Variants in CNTN5 observed in about 807,000 individuals in gnomAD.
CNTN5 encodes contactin 5, also known as contactin-5.
Under a neutral mutation model 129.1 loss-of-function variants are expected in CNTN5, and 77 were observed. That is an observed-to-expected ratio of 0.60 (90% CI 0.50 to 0.72). CNTN5 has a LOEUF of 0.72. Among genes scored for constraint, CNTN5 ranks in the 30% least tolerant of loss-of-function variants. The probability of loss-of-function intolerance (pLI) is 0.00; values close to 1 mark genes in which losing one functional copy is unlikely to be tolerated. For synonymous variants in CNTN5, 509 were observed against 465.6 expected (o/e 1.09, Z -1.20); for missense variants, 1,478 against 1,328.8 (o/e 1.11, Z -1.75).
In CNTN5 at chr11:99,763,311, G is replaced by C. The variant is rs537897683; in HGVS notation, c.56-56233G>C. On this transcript the variant is annotated intron_variant, in intron 3 of 24. Coordinates refer to ENST00000524871, the MANE Select transcript of CNTN5 (RefSeq NM_014361.4). ...TACCATACAGAGATGCAACACCCAAGAGGGGAAAACAGTCAAAACACCAAA... is the reference window on the plus strand; with the variant it reads ...TACCATACAGAGATGCAACACCCAACAGGGGAAAACAGTCAAAACACCAAA... 3.3e-5 allele frequency among the ~76,000 whole-genome samples: 5 copies of C among 152,146 alleles called. 1 individual carries two copies. The South Asian group carries it at 1.0e-3, about 32-fold the overall frequency.
intron 1 of CNTN5, among the ~76,000 whole-genome samples, chr11:99,071,936 A>C (rs1865355612): frequency 7.1e-6 from 1 of 140,046 alleles, no homozygotes; most frequent in Non-Finnish European, 1.5e-5. Context: ...TAAGCTATTC[A>C]CTGGTGAATA....
At chr11:99,989,434 GTCATAAAAA>G (rs1565759921) in intron 8 of CNTN5, among the ~76,000 whole-genome samples, 2 of 151,756 alleles carry the variant, frequency 1.3e-5, no homozygotes, top group Non-Finnish European at 2.9e-5. Flanking sequence ...TTGGTGGCAG[GTCATAAAAA>G]TCAAAGTACC....
intron 1 of CNTN5, among the ~76,000 whole-genome samples, chr11:99,077,999 A>G (rs975464483): frequency 6.6e-6 from 1 of 152,184 alleles, no homozygotes; most frequent in African/African-American, 2.4e-5. Flanking sequence ...TTTCTCTTCA[A>G]TAAGCCTTAA....
intron 23 of CNTN5, among the ~76,000 whole-genome samples, chr11:100,341,884 T>C (rs928513493): frequency 6.6e-6 from 1 of 151,794 alleles, no homozygotes; most frequent in African/African-American, 2.4e-5. Flanking sequence ...CACAGAATCA[T>C]TAGTTGAATA....
intron 2 of CNTN5, among the ~76,000 whole-genome samples, chr11:99,452,315 G>A (rs1944332240): frequency 6.7e-6 from 1 of 150,030 alleles, no homozygotes; most frequent in Admixed American, 6.7e-5. Flanking sequence ...TTAGTTCTAT[G>A]ACAGTCTGAA....
intron 21 of CNTN5, among the ~76,000 whole-genome samples, chr11:100,333,303 T>C (rs897132398): frequency 2.0e-5 from 3 of 149,728 alleles, no homozygotes; most frequent in Non-Finnish European, 2.9e-5. Context: ...ATCATGCTCA[T>C]GGATGGGTAG....
rs925942578 is a variant in CNTN5, at chr11:99,844,738, TTGA to T, written c.278-112_278-110del. On this transcript the variant is annotated intron_variant, in intron 4 of 24. Coordinates refer to ENST00000524871, the MANE Select transcript of CNTN5 (RefSeq NM_014361.4). ...ATTCCTTCTTTTGGGAATTTACCTG[TTGA>T]TTACAAGAAAAGAGCAAGAATTTTG... is the stretch of plus-strand genomic sequence containing the variant. 5 of 956,154 alleles carry T rather than the reference TTGA, an allele frequency of 5.2e-6. No homozygotes were observed. In the African/African-American group the frequency reaches 8.2e-5, roughly 16 times the overall value. 59.2% of individuals were successfully genotyped at this position (956,154 alleles called of 1,614,324 possible). A position where few individuals can be genotyped will look rare whatever the true frequency, so the allele number is the denominator to read the frequency against.
intron 2 of CNTN5, among the ~76,000 whole-genome samples, chr11:99,359,631 A>G (rs534604966): frequency 1.4e-5 from 2 of 147,816 alleles, no homozygotes; most frequent in South Asian, 2.1e-4. Flanking sequence ...TTATTTATAT[A>G]AATATATTTA....
chr11:99,332,604 C>T (rs1000813978), intron 2 of CNTN5, among the ~76,000 whole-genome samples: 3 of 151,968 alleles, frequency 2.0e-5, no homozygotes. Flanking sequence ...TTCTCTTACT[C>T]TATTATGGTG....
intron 7 of CNTN5, among the ~76,000 whole-genome samples, chr11:99,925,150 T>C (rs189201899): frequency 4.6e-5 from 7 of 152,136 alleles, no homozygotes; most frequent in African/African-American, 1.7e-4. Flanking sequence ...CAGTTATAGG[T>C]GGAATTGTGG....
chr11:99,577,366 A>T (rs550320396), intron 3 of CNTN5, among the ~76,000 whole-genome samples: 110 of 152,270 alleles, frequency 7.2e-4, no homozygotes, highest in Admixed American at 3.5e-3. Flanking sequence ...GGCTCTTCAC[A>T]TTTAGGAAAA....
intron 3 of CNTN5, among the ~76,000 whole-genome samples, chr11:99,563,452 A>T (rs573819167): frequency 1.2e-4 from 18 of 152,298 alleles, no homozygotes; most frequent in Non-Finnish European, 2.2e-4. Context: ...GGCTGGAGAA[A>T]CTGTTTATGG....
At chr11:100,229,082 T>C (rs933451799) in intron 16 of CNTN5, among the ~76,000 whole-genome samples, 4 of 152,120 alleles carry the variant, frequency 2.6e-5, no homozygotes, top group African/African-American at 9.7e-5. Flanking sequence ...TATATATTCA[T>C]CTACAGAAAT....
At chr11:99,893,292 G>A (rs542765112) in intron 6 of CNTN5, among the ~76,000 whole-genome samples, 2 of 152,180 alleles carry the variant, frequency 1.3e-5, no homozygotes, top group South Asian at 2.1e-4. Flanking sequence ...AAAAGCACAT[G>A]TTCTTATTTG....
chr11:99,207,765 T>C lies in CNTN5; in HGVS notation c.-209-117581T>C, dbSNP rs76497996. Among the ~76,000 whole-genome samples the C allele has an allele frequency of 4.2e-3, 646 of 152,286 alleles. 6 individuals are homozygous for C. Among genetic ancestry groups the C allele is most frequent in the African/African-American group, 0.013 (547 of 41,584 alleles). On this transcript the variant is annotated intron_variant, in intron 1 of 24. Transcript: ENST00000524871. Reference sequence around the variant, plus strand: ...ATTAGATTTACACTATTTCTCTAACTTTAAAAAGTAGTCTGCATTTCAAGT... The same window carrying C: ...ATTAGATTTACACTATTTCTCTAACCTTAAAAAGTAGTCTGCATTTCAAGT...
intron 2 of CNTN5, among the ~76,000 whole-genome samples, chr11:99,337,483 A>G (rs1866280369): frequency 1.3e-5 from 2 of 152,234 alleles, no homozygotes; most frequent in African/African-American, 4.8e-5. Context: ...GGCCGAATTA[A>G]TTGCAGCAGG....
intron 1 of CNTN5, among the ~76,000 whole-genome samples, chr11:99,132,763 G>A (rs1417009718): frequency 1.3e-5 from 2 of 152,090 alleles, no homozygotes; most frequent in Non-Finnish European, 2.9e-5. Context: ...GAGGACACAA[G>A]TAGATGGAGA....
chr11:100,010,163 A>T (rs1300224186), intron 9 of CNTN5, among the ~76,000 whole-genome samples: 1 of 152,114 alleles, frequency 6.6e-6, no homozygotes, highest in African/African-American at 2.4e-5. Context: ...TTCTTTCTAA[A>T]TGCAGTATAT....
intron 17 of CNTN5, 35 bp from the exon 18 acceptor site, chr11:100,271,057 C>G: frequency 6.5e-7 from 1 of 1,541,898 alleles, no homozygotes; most frequent in Non-Finnish European, 8.8e-7. Context: ...TTTTCTAGTC[C>G]TCATAATGAC....
Sources: gnomAD v4.1 joint callset for allele counts (sites outside exome capture counted in the v4.1 genomes callset) on GRCh38, gnomAD v4.1.1 for gene constraint, MANE v1.5 for transcripts, NCBI Gene and HGNC (gene_info 2026-07-23, HGNC 2026-07-21) for gene names.